Variants in NFKB1 observed in about 807,000 individuals in gnomAD.
NFKB1 encodes the protein nuclear factor kappa B subunit 1.
NFKB1 carries 9 observed loss-of-function variants against 105.1 expected under a neutral mutation model. That is an observed-to-expected ratio of 0.09 (90% CI 0.05 to 0.15). NFKB1 has a LOEUF of 0.15. Ranked by LOEUF, NFKB1 falls within the 10% of genes least tolerant of loss-of-function variation. The pLI is 1.00. For synonymous variants in NFKB1, 440 were observed against 442.2 expected, an observed-to-expected ratio of 1.00 and a Z score of 0.06; for missense variants, 830 against 1,203.7, an observed-to-expected ratio of 0.69 and a Z score of 4.59.
chr4:102,600,472 T>C (rs1223675332), intron 15 of NFKB1, among the ~76,000 whole-genome samples: 3 of 152,176 alleles, frequency 2.0e-5, no homozygotes, highest in Non-Finnish European at 4.4e-5. Context: ...TCTGAACAAT[T>C]CCTAGTGCCA....
chr4:102,541,908 G>A lies in NFKB1; in HGVS notation c.258+3952G>A, dbSNP rs571484031. 1.1e-4 allele frequency among the ~76,000 whole-genome samples: 16 copies of A among 152,210 alleles called. No homozygotes were observed. In the South Asian group the frequency reaches 3.1e-3, roughly 30 times the overall value. On this transcript the variant is annotated intron_variant, in intron 5 of 23. Transcript: ENST00000226574. Reference sequence around the variant, plus strand: ...TTTGTGAGAGCGCCACCACTCTGCGGTGCCTGGAGAGGAACCTGGAAACGC... The same window carrying A: ...TTTGTGAGAGCGCCACCACTCTGCGATGCCTGGAGAGGAACCTGGAAACGC...
At chr4:102,520,108 A>T (rs866442087) in intron 1 of NFKB1, among the ~76,000 whole-genome samples, 10 of 152,216 alleles carry the variant, frequency 6.6e-5, no homozygotes, top group South Asian at 4.1e-4. Context: ...AGGACCACCT[A>T]TCCAGCTGTG....
rs767590342 is a variant in NFKB1 at position 102,597,585 on chromosome 4, G to A, written c.1561G>A (p.Ala521Thr). 9.9e-6 allele frequency: 16 copies of A among 1,613,856 alleles called. No individual in the cohort carries two copies. The highest frequency in any genetic ancestry group is 8.8e-5 in the South Asian group (8 of 91,014). ...GCATGCCAATGCCCTTTTCGACTACGCGGTGACAGGAGACGTGAAGATGCT... is the reference window on the plus strand; with the variant it reads ...GCATGCCAATGCCCTTTTCGACTACACGGTGACAGGAGACGTGAAGATGCT... ...KRHANALFDY[A>T]VTGDVKMLLA... Residue 521 changes from alanine (A) to threonine (T), a missense_variant, in exon 15 of 24, where the codon GCG becomes ACG. By Grantham distance (58) the Ala-to-Thr change is moderately conservative. Transcript: ENST00000226574.
At chr4:102,571,295 A>G (rs1300899297) in intron 6 of NFKB1, among the ~76,000 whole-genome samples, 29 of 152,220 alleles carry the variant, frequency 1.9e-4, no homozygotes, top group Admixed American at 1.9e-3. Flanking sequence ...GAAAGCTGAA[A>G]CTGGATCCCT....
rs1578807168 is a variant in NFKB1, at chr4:102,594,747, T to C, written c.1211-145T>C. On this transcript the variant is annotated intron_variant, in intron 12 of 23. Coordinates refer to ENST00000226574, the MANE Select transcript of NFKB1 (RefSeq NM_003998.4). ...GTCCCATGACCCCCACCATGTGTCT[T>C]AGTCCCAACAGAAAAACCATGTGTG... 3.3e-5 allele frequency: 18 copies of C among 546,750 alleles called. No homozygotes were observed. The East Asian group carries it at 5.0e-4, about 15-fold the overall frequency. 33.9% of individuals were successfully genotyped at this position (546,750 alleles called of 1,614,324 possible). A position where few individuals can be genotyped will look rare whatever the true frequency, so the allele number is the denominator to read the frequency against.
chr4:102,577,243 T>C (rs1474946958), intron 7 of NFKB1, among the ~76,000 whole-genome samples: 1 of 152,162 alleles, frequency 6.6e-6, no homozygotes, highest in African/African-American at 2.4e-5. Flanking sequence ...AAGCCCTGCT[T>C]CTCTGGCCCC....
At chr4:102,530,014 A>G (rs1473692595) in intron 3 of NFKB1, 100 bp downstream of exon 3, 1 of 778,144 alleles carries the variant, frequency 1.3e-6, no homozygotes, top group African/African-American at 1.8e-5. Context: ...TTGTGTACCT[A>G]GAAAGGAAAT....
chr4:102,608,285 T>C (rs926338579), intron 19 of NFKB1, among the ~76,000 whole-genome samples: 1 of 152,194 alleles, frequency 6.6e-6, no homozygotes, highest in African/African-American at 2.4e-5. Flanking sequence ...GATATGCACT[T>C]TATGTGCACA....
At chr4:102,535,625 A>G (rs1462809812) in intron 4 of NFKB1, among the ~76,000 whole-genome samples, 1 of 152,168 alleles carries the variant, frequency 6.6e-6, no homozygotes, top group Non-Finnish European at 1.5e-5. Context: ...CAAAATTTTG[A>G]TCTCAGAAAT....
At chr4:102,533,327 G>A (rs1741424267) in intron 3 of NFKB1, among the ~76,000 whole-genome samples, 2 of 152,106 alleles carry the variant, frequency 1.3e-5, no homozygotes, top group South Asian at 4.1e-4. Flanking sequence ...AAAAGAGATA[G>A]CCTGAGATCA....
At chr4:102,523,466 G>T (rs145831626) in intron 1 of NFKB1, among the ~76,000 whole-genome samples, 1 of 152,290 alleles carries the variant, frequency 6.6e-6, no homozygotes, top group Non-Finnish European at 1.5e-5. Flanking sequence ...TCCAGCAGGA[G>T]AGGATTTCTT....
At chr4:102,611,575 G>C (rs1056840968) in intron 20 of NFKB1, among the ~76,000 whole-genome samples, 4 of 152,152 alleles carry the variant, frequency 2.6e-5, no homozygotes, top group Non-Finnish European at 5.9e-5. Context: ...ATTGCCAGAG[G>C]GTTAACACCA....
chr4:102,556,002 G>T (rs776077931), intron 5 of NFKB1, among the ~76,000 whole-genome samples: 13 of 152,148 alleles, frequency 8.5e-5, no homozygotes, highest in Non-Finnish European at 1.6e-4. Flanking sequence ...AGCTAAGATA[G>T]ATAAACTAAG....
At chr4:102,513,787 G>C (rs368417483) in intron 1 of NFKB1, among the ~76,000 whole-genome samples, 1 of 151,948 alleles carries the variant, frequency 6.6e-6, no homozygotes, top group Non-Finnish European at 1.5e-5. Flanking sequence ...AACATATTCC[G>C]CATGCTTTCA....
chr4:102,554,521 T>A (rs1315840742), intron 5 of NFKB1, among the ~76,000 whole-genome samples: 1 of 152,200 alleles, frequency 6.6e-6, no homozygotes, highest in East Asian at 1.9e-4. Context: ...CCCTGTTGTT[T>A]TCTCCAAGCG....
chr4:102,512,675 G>A (rs147729074), intron 1 of NFKB1, among the ~76,000 whole-genome samples: 129 of 152,312 alleles, frequency 8.5e-4, no homozygotes, highest in African/African-American at 3.0e-3. Flanking sequence ...ATCTGTATGA[G>A]TGGTCAGTGT....
chr4:102,551,367 T>TGTGTGTGTGCGCGC (rs370790173), intron 5 of NFKB1, among the ~76,000 whole-genome samples: 21 of 150,204 alleles, frequency 1.4e-4, no homozygotes, highest in African/African-American at 4.2e-4. Context: ...TGTGTGTGTG[T>TGTGTGTGTGCGCGC]GCGCGCGCGC....
At chr4:102,557,132 A>G (rs1723045977) in intron 5 of NFKB1, 2 of 152,224 alleles carry the variant, frequency 1.3e-5, no homozygotes, top group Admixed American at 1.3e-4. Flanking sequence ...GAGAGAGTGA[A>G]GGAACTTGCA....
Position 102,616,509 on chromosome 4 carries a change from C to A in NFKB1, c.2825C>A (p.Ser942Tyr). The change falls in exon 24 of 24, where the codon TCT becomes TAT. Residue 942 changes from serine to tyrosine, a missense_variant. Around this residue, in one of 8 missense-constraint regions of NFKB1, gnomAD observed 418 missense variants for 575.3 expected, o/e 0.73. Transcript: ENST00000226574. Reference protein sequence around the residue: ...TSFRKLSFTESLTSGASLLTL... With the variant: ...TSFRKLSFTEYLTSGASLLTL... ...TTCCGCAAACTCAGCTTTACCGAGT[C>A]TCTGACCAGTGGTGCCTCACTGCTA... 1.2e-6 allele frequency: 2 copies of A among 1,614,140 alleles called. No individual in the cohort carries two copies. The highest frequency in any genetic ancestry group is 1.7e-6 in the Non-Finnish European group (2 of 1,180,020).
Sources: allele counts gnomAD v4.1 joint callset (sites outside exome capture counted in the v4.1 genomes callset), GRCh38; gene constraint gnomAD v4.1.1; regional missense constraint gnomAD v4.1.1; transcripts MANE v1.5; gene names NCBI Gene and HGNC (gene_info 2026-07-23, HGNC 2026-07-21).